Variants in ERG observed in about 807,000 individuals in gnomAD.
The protein encoded by ERG is ETS transcription factor ERG.
A neutral mutation model predicts 55.3 loss-of-function variants in ERG; 9 were observed. The observed-to-expected ratio is 0.16, with a 90% CI of 0.10 to 0.28. The LOEUF (loss-of-function observed/expected upper bound fraction) is 0.28, where lower values mean the gene tolerates loss of function less well. Ranked by LOEUF, ERG falls within the 10% of genes least tolerant of loss-of-function variation. ERG has a pLI of 1.00. For synonymous variants in ERG, 223 were observed against 237.3 expected, an observed-to-expected ratio of 0.94 and a Z score of 0.55; for missense variants, 434 against 631.6, an observed-to-expected ratio of 0.69 and a Z score of 3.35.
intron 2 of ERG, among the ~76,000 whole-genome samples, chr21:38,516,572 T>C (rs890653382): frequency 1.3e-5 from 2 of 152,074 alleles, no homozygotes. Flanking sequence ...GCAATCCCTG[T>C]TAAAATATTA....
At chr21:38,543,885 C>A (rs1233394796) in intron 2 of ERG, among the ~76,000 whole-genome samples, 1 of 152,044 alleles carries the variant, frequency 6.6e-6, no homozygotes, top group Admixed American at 6.5e-5. Context: ...TTCAGGCATG[C>A]ACCACCATGC....
intron 1 of ERG, among the ~76,000 whole-genome samples, chr21:38,622,775 C>CAT (rs1189795153): frequency 6.7e-6 from 1 of 149,598 alleles, no homozygotes; most frequent in Non-Finnish European, 1.5e-5. Context: ...ACCACACACA[C>CAT]ATCACATACA....
chr21:38,536,267 T>C (rs142610467), intron 2 of ERG, among the ~76,000 whole-genome samples: 6 of 148,244 alleles, frequency 4.0e-5, no homozygotes, highest in African/African-American at 1.5e-4. Flanking sequence ...AAGCCATATC[T>C]CCACCTAGGC....
chr21:38,603,767 AC>A (rs1257422747), intron 1 of ERG, among the ~76,000 whole-genome samples: 3 of 152,070 alleles, frequency 2.0e-5, no homozygotes, highest in Non-Finnish European at 4.4e-5. Context: ...AAGCGGAAGA[AC>A]AGTACTCTTA....
chr21:38,561,786 G>A (rs2059894413), intron 2 of ERG, among the ~76,000 whole-genome samples: 1 of 152,096 alleles, frequency 6.6e-6, no homozygotes, highest in East Asian at 1.9e-4. Flanking sequence ...TCTTAGCAGT[G>A]TATTTACAGC....
At chr21:38,575,386 G>A (rs2059988685) in intron 2 of ERG, among the ~76,000 whole-genome samples, 1 of 152,202 alleles carries the variant, frequency 6.6e-6, no homozygotes, top group Non-Finnish European at 1.5e-5. Flanking sequence ...CCATTATGGA[G>A]TGAAGGCAGC....
intron 2 of ERG, among the ~76,000 whole-genome samples, chr21:38,573,259 C>T (rs923524527): frequency 2.0e-5 from 3 of 152,160 alleles, no homozygotes; most frequent in Non-Finnish European, 2.9e-5. Flanking sequence ...AATATGGCCT[C>T]GTGGGATGAG....
intron 6 of ERG, among the ~76,000 whole-genome samples, chr21:38,395,757 T>A (rs1024167129): frequency 6.6e-6 from 1 of 152,156 alleles, no homozygotes; most frequent in Admixed American, 6.5e-5. Context: ...GGGATCAGCT[T>A]CTCATTCTGA....
At chr21:38,513,569 C>T (rs184312315) in intron 2 of ERG, among the ~76,000 whole-genome samples, 49 of 152,246 alleles carry the variant, frequency 3.2e-4, no homozygotes, top group Admixed American at 1.9e-3. Context: ...GATTAGAGCA[C>T]ATTTTATGGC....
chr21:38,543,345 G>A (rs1338001841), intron 2 of ERG, among the ~76,000 whole-genome samples: 2 of 108,250 alleles, frequency 1.8e-5, no homozygotes, highest in Non-Finnish European at 3.6e-5. Flanking sequence ...AACTACATAT[G>A]TATATGTGTG....
At chr21:38,508,899 C>G (rs1208717965) in intron 2 of ERG, among the ~76,000 whole-genome samples, 1 of 152,180 alleles carries the variant, frequency 6.6e-6, no homozygotes, top group Non-Finnish European at 1.5e-5. Context: ...ACCTGATTTT[C>G]TTGGGAACAG....
At chr21:38,458,151 C>A (rs1026463830) in intron 1 of ERG, among the ~76,000 whole-genome samples, 1 of 152,154 alleles carries the variant, frequency 6.6e-6, no homozygotes, top group African/African-American at 2.4e-5. Flanking sequence ...ACTGGCCAGG[C>A]ATGGTGGCTC....
intron 1 of ERG, among the ~76,000 whole-genome samples, chr21:38,467,537 C>T (rs527608979): frequency 6.6e-6 from 1 of 152,210 alleles, no homozygotes; most frequent in South Asian, 2.1e-4. Flanking sequence ...GTGTTGGGTA[C>T]AGAGACATGG....
At position 38,383,767 on chromosome 21, in the gene ERG, T is replaced by C. The variant is rs764628874; in HGVS notation, c.1076A>G (p.Asn359Ser). ...GCGGCTGAGCTTATCGTAGTTCATG[T>C]TGGGTTTGCTCTTCCGCTCTCCCCA... ...RRWGERKSKP[N>S]MNYDKLSRAL... The change falls in exon 10 of 10, where the codon AAC (asparagine) becomes AGC (serine). Residue 359 changes from asparagine to serine, a missense_variant. This residue lies in a region of ERG where 13 missense variants were observed against 76.6 expected (regional missense o/e 0.17). Coordinates refer to ENST00000288319, the MANE Select transcript of ERG (RefSeq NM_182918.4). The surrounding 1 kb of genome is among the most constrained non-coding windows in gnomAD (Gnocchi z 5.7). The C allele has an allele frequency of 1.9e-6, 3 of 1,614,168 alleles. No homozygotes were observed. Among genetic ancestry groups the C allele is most frequent in the South Asian group, 1.1e-5 (1 of 91,082 alleles).
intron 2 of ERG, among the ~76,000 whole-genome samples, chr21:38,437,146 C>T (rs2058798408): frequency 6.6e-6 from 1 of 152,302 alleles, no homozygotes; most frequent in South Asian, 2.1e-4. Flanking sequence ...ACCTCAGCCT[C>T]CCAAAGTGCT....
intron 1 of ERG, among the ~76,000 whole-genome samples, chr21:38,642,758 C>T (rs2060433076): frequency 2.0e-5 from 3 of 152,202 alleles, no homozygotes; most frequent in Admixed American, 2.0e-4. Flanking sequence ...GTAAACCATT[C>T]AGCATCATTG....
Position 38,383,910 on chromosome 21 carries a change from G to A in ERG, c.933C>T (p.Ile311=), listed in dbSNP as rs759080469. 1 of 1,613,302 alleles carries A rather than the reference G, an allele frequency of 6.2e-7. No homozygotes were observed. The highest frequency in any genetic ancestry group is 1.1e-5 in the South Asian group (1 of 91,066). The part of the protein sequence containing the change: ...SRLANPGSGQ[I]QLWQFLLELL... ...GCTCCAGGAGGAACTGCCAAAGCTG[G>A]ATCTGGCCACTGCCTAATGAGGTCA... The change falls in exon 10 of 10, where the codon ATC becomes ATT. Residue 311 remains isoleucine (I), a synonymous_variant. Transcript: ENST00000288319. The surrounding 1 kb of genome is among the most constrained non-coding windows in gnomAD (Gnocchi z 5.7).
chr21:38,373,336 C>T, the ERG span, among the ~76,000 whole-genome samples: 2 of 152,152 alleles, frequency 1.3e-5, no homozygotes, highest in Non-Finnish European at 2.9e-5. Flanking sequence ...AAAAATTTCC[C>T]CAAGAACTTT....
At chr21:38,495,067 G>T (rs866124603) in intron 1 of ERG, among the ~76,000 whole-genome samples, 2 of 152,170 alleles carry the variant, frequency 1.3e-5, no homozygotes, top group Non-Finnish European at 2.9e-5. Flanking sequence ...AAGGACTGAC[G>T]CAATTCGTAT....
Sources: allele counts gnomAD v4.1 joint callset (sites outside exome capture counted in the v4.1 genomes callset), GRCh38; gene constraint gnomAD v4.1.1; regional missense constraint gnomAD v4.1.1; non-coding constraint Gnocchi (gnomAD v3.1); transcripts MANE v1.5; gene names NCBI Gene and HGNC (gene_info 2026-07-23, HGNC 2026-07-21).